The following NHLRC2 variants were observed in gnomAD, a reference collection of about 807,000 sequenced individuals.
The protein encoded by NHLRC2 is NHL repeat-containing protein 2.
In NHLRC2, 33 loss-of-function variants were observed where a neutral mutation model predicts 68.1. That is an observed-to-expected ratio of 0.48 (90% CI 0.37 to 0.65). The LOEUF is 0.65. Ranked by LOEUF, NHLRC2 falls within the 30% of genes least tolerant of loss-of-function variation. The probability of loss-of-function intolerance (pLI) is 0.00; values close to 1 mark genes in which losing one functional copy is unlikely to be tolerated. For missense variants in NHLRC2, 761 were observed against 853.8 expected (o/e 0.89, Z 1.35); for synonymous variants, 311 against 309.6 (o/e 1.00, Z -0.05).
At position 113,902,503 on chromosome 10, in the gene NHLRC2, A is replaced by C. The variant is rs1318971048; in HGVS notation, c.1404A>C (p.Val468=). ...TTGCTTTTGGTGATGTTGATGGAGT[A>C]GGAATCAATGCAAAGCTTCAACACC... The part of the protein sequence containing the change: ...NLFAFGDVDG[V]GINAKLQHPL... The change falls in exon 8 of 11, where the codon GTA becomes GTC. Residue 468 remains valine, a synonymous_variant. Transcript: ENST00000369301. 1.9e-6 allele frequency: 3 copies of C among 1,600,096 alleles called. No homozygotes were observed. The Admixed American group carries it at 5.2e-5, about 28-fold the overall frequency.
intron 2 of NHLRC2, among the ~76,000 whole-genome samples, chr10:113,872,546 G>GA (rs528412134): frequency 1.4e-3 from 204 of 145,950 alleles, no homozygotes; most frequent in Middle Eastern, 3.5e-3. Context: ...TAGGAATAAT[G>GA]AAAAAAAAAC....
chr10:113,876,029 T>C (rs1236101867), intron 2 of NHLRC2, among the ~76,000 whole-genome samples: 1 of 151,706 alleles, frequency 6.6e-6, no homozygotes, highest in African/African-American at 2.4e-5. Context: ...ACAATAGGAA[T>C]TTTAAATAAA....
intron 9 of NHLRC2, among the ~76,000 whole-genome samples, chr10:113,904,054 C>T (rs576188881): frequency 2.5e-4 from 37 of 149,584 alleles, no homozygotes; most frequent in South Asian, 1.7e-3. Flanking sequence ...ACATACACTA[C>T]ATACACCTGC....
rs550365611 is a variant in NHLRC2, at chr10:113,863,835, A to G, written c.331+5155A>G. ...AAGGATTATAAGAGTACTATGAGCA[A>G]TTGTACATTAACAAATTGGATAACC... On this transcript the variant is annotated intron_variant, in intron 2 of 10. Transcript: ENST00000369301. Among the ~76,000 whole-genome samples the G allele has an allele frequency of 8.0e-4, 122 of 152,344 alleles. 1 individual carries two copies. The highest frequency in any genetic ancestry group is 6.8e-3 in the Middle Eastern group (2 of 294).
intron 5 of NHLRC2, among the ~76,000 whole-genome samples, chr10:113,891,250 A>T (rs1031479062): frequency 6.6e-6 from 1 of 152,104 alleles, no homozygotes; most frequent in African/African-American, 2.4e-5. Flanking sequence ...AGGTGTGTTG[A>T]CCACCTTTTT....
chr10:113,859,133 A>G (rs1564849230), intron 2 of NHLRC2, among the ~76,000 whole-genome samples: 1 of 152,302 alleles, frequency 6.6e-6, no homozygotes, highest in South Asian at 2.1e-4. Context: ...GCAAAATATA[A>G]CAGATACTCT....
At chr10:113,898,844 A>G (rs931861955) in intron 6 of NHLRC2, among the ~76,000 whole-genome samples, 1 of 152,118 alleles carries the variant, frequency 6.6e-6, no homozygotes, top group African/African-American at 2.4e-5. Context: ...TTCCTTATTT[A>G]TATTACCTCA....
At chr10:113,863,942 T>C (rs1171845304) in intron 2 of NHLRC2, among the ~76,000 whole-genome samples, 2 of 152,188 alleles carry the variant, frequency 1.3e-5, no homozygotes, top group Non-Finnish European at 2.9e-5. Context: ...TAGACCTATA[T>C]CTGGTAGCAT....
At chr10:113,865,951 G>A (rs1845863968) in intron 2 of NHLRC2, among the ~76,000 whole-genome samples, 1 of 152,142 alleles carries the variant, frequency 6.6e-6, no homozygotes, top group Non-Finnish European at 1.5e-5. Flanking sequence ...TGTATCTGCA[G>A]CAGTGCTATT....
intron 2 of NHLRC2, among the ~76,000 whole-genome samples, chr10:113,872,393 G>A (rs1471726856): frequency 6.6e-6 from 1 of 151,788 alleles, no homozygotes; most frequent in Non-Finnish European, 1.5e-5. Flanking sequence ...AAATGAACAG[G>A]AATAGAAAAA....
intron 10 of NHLRC2, among the ~76,000 whole-genome samples, chr10:113,906,038 C>G (rs1161083070): frequency 1.3e-5 from 2 of 152,120 alleles, no homozygotes; most frequent in African/African-American, 4.8e-5. Flanking sequence ...CACTCCATAG[C>G]CTTTTGTAGG....
intron 6 of NHLRC2, among the ~76,000 whole-genome samples, chr10:113,900,750 T>C (rs1333731231): frequency 3.3e-5 from 5 of 152,246 alleles, no homozygotes; most frequent in Non-Finnish European, 7.3e-5. Context: ...CCATATTTTA[T>C]GCGTGCTAAA....
At chr10:113,905,522 A>G (rs908909297) in intron 10 of NHLRC2, among the ~76,000 whole-genome samples, 3 of 152,216 alleles carry the variant, frequency 2.0e-5, no homozygotes, top group Admixed American at 2.0e-4. Flanking sequence ...AGGAATCAGT[A>G]TACTGCTTGC....
intron 5 of NHLRC2, among the ~76,000 whole-genome samples, chr10:113,895,423 A>T (rs985556599): frequency 1.3e-5 from 2 of 152,176 alleles, no homozygotes; most frequent in African/African-American, 2.4e-5. Context: ...GATAGTGATA[A>T]ATTCTACAGT....
At chr10:113,878,037 G>A (rs1846000699) in intron 3 of NHLRC2, among the ~76,000 whole-genome samples, 3 of 152,180 alleles carry the variant, frequency 2.0e-5, no homozygotes, top group Admixed American at 2.0e-4. Context: ...CCAGCAGCAA[G>A]CTACACTACC....
chr10:113,892,745 G>A (rs1846144055), intron 5 of NHLRC2, among the ~76,000 whole-genome samples: 1 of 151,968 alleles, frequency 6.6e-6, no homozygotes, highest in African/African-American at 2.4e-5. Context: ...GTGGCTGTGA[G>A]CAAGGACTCT....
chr10:113,885,447 A>G lies in NHLRC2; in HGVS notation c.1039+1067A>G, dbSNP rs117429096. On this transcript the variant is annotated intron_variant, in intron 5 of 10. Transcript: ENST00000369301. ...CTTCATATGTAGAGAATTTTGAAAT[A>G]TTAATACAGTGAACTAAAATTCAGT... 9.2e-4 allele frequency among the ~76,000 whole-genome samples: 140 copies of G among 152,098 alleles called. 4 individuals are homozygous for G. In the East Asian group the frequency reaches 0.019, roughly 21 times the overall value.
intron 2 of NHLRC2, among the ~76,000 whole-genome samples, chr10:113,859,854 GAGA>G (rs1321280994): frequency 2.0e-5 from 3 of 152,214 alleles, no homozygotes; most frequent in Non-Finnish European, 4.4e-5. Context: ...AGATTTCTCA[GAGA>G]AGGAGACAAT....
At chr10:113,860,503 AAAGAACAGGGAAGTACAGCCCATTC>A (rs577330974) in intron 2 of NHLRC2, among the ~76,000 whole-genome samples, 66 of 152,304 alleles carry the variant, frequency 4.3e-4, no homozygotes, top group East Asian at 3.3e-3. Context: ...AAGCATACAC[AAAGAACAGGGAAGTACAGCCCATTC>A]AAGAACAGGG....
Sources: allele counts gnomAD v4.1 joint callset (sites outside exome capture counted in the v4.1 genomes callset), GRCh38; gene constraint gnomAD v4.1.1; transcripts MANE v1.5; gene names NCBI Gene and HGNC (gene_info 2026-07-23, HGNC 2026-07-21).